The following TDP1 variants were observed in gnomAD, a reference collection of about 807,000 sequenced individuals.
TDP1 encodes the protein tyrosyl-DNA phosphodiesterase 1.
Under a neutral mutation model 81.5 loss-of-function variants are expected in TDP1, and 64 were observed. That is an observed-to-expected ratio of 0.79 (90% confidence interval 0.64 to 0.97). The LOEUF is 0.97. Ranked by LOEUF, TDP1 falls within the 50% of genes least tolerant of loss-of-function variation. The pLI is 0.00. For missense variants in TDP1, 723 were observed against 743.8 expected, an observed-to-expected ratio of 0.97 and a Z score of 0.33; for synonymous variants, 256 against 264.3, an observed-to-expected ratio of 0.97 and a Z score of 0.30.
At chr14:89,989,159 C>A in intron 11 of TDP1, 69 bp downstream of exon 11, 1 of 1,505,384 alleles carries the variant, frequency 6.6e-7, no homozygotes, top group Non-Finnish European at 9.2e-7. Context: ...GAAAATTGGT[C>A]CTCTTTGTAA....
intron 14 of TDP1, among the ~76,000 whole-genome samples, chr14:90,000,671 T>C (rs1394697250): frequency 1.3e-5 from 2 of 152,208 alleles, no homozygotes; most frequent in Non-Finnish European, 2.9e-5. Context: ...AGGCATGAAC[T>C]ACTGCACCTG....
chr14:90,041,635 T>G lies in TDP1; in HGVS notation c.1754-1435T>G, dbSNP rs530103053. On this transcript the variant is annotated intron_variant, in intron 16 of 16. Coordinates refer to ENST00000335725, the MANE Select transcript of TDP1 (RefSeq NM_018319.4). ...GAGTTCGCAGTTGGGAGACACTGCT[T>G]TAACTTGGTGGTCCATGCCAGACCC... Among the ~76,000 whole-genome samples, 559 of 152,316 alleles carry G rather than the reference T, an allele frequency of 3.7e-3. 4 individuals carry two copies. Among genetic ancestry groups the G allele is most frequent in the Non-Finnish European group, 6.5e-3 (442 of 68,030 alleles).
intron 15 of TDP1, among the ~76,000 whole-genome samples, chr14:90,025,597 T>C (rs1228236622): frequency 1.3e-5 from 2 of 152,240 alleles, no homozygotes; most frequent in Non-Finnish European, 2.9e-5. Flanking sequence ...AATAAAAGTT[T>C]GTTAATTTAA....
At chr14:90,036,816 T>TAA (rs10645574) in intron 16 of TDP1, among the ~76,000 whole-genome samples, 2,760 of 131,698 alleles carry the variant, frequency 0.021, 122 homozygotes, top group African/African-American at 0.076. Context: ...CCCCGCCCCT[T>TAA]AAAAAAAAAA....
At chr14:89,962,211 A>G (rs1188506371) in intron 2 of TDP1, among the ~76,000 whole-genome samples, 7 of 152,220 alleles carry the variant, frequency 4.6e-5, no homozygotes, top group Non-Finnish European at 1.0e-4. Flanking sequence ...TGATATAATT[A>G]TATCCAACTA....
At chr14:89,973,167 G>A (rs558582733) in intron 6 of TDP1, among the ~76,000 whole-genome samples, 2 of 152,226 alleles carry the variant, frequency 1.3e-5, no homozygotes, top group South Asian at 2.1e-4. Context: ...CTCATCTCAT[G>A]CCCATAGATG....
chr14:89,987,277 C>T (rs1353859736), intron 10 of TDP1, among the ~76,000 whole-genome samples: 1 of 152,210 alleles, frequency 6.6e-6, no homozygotes, highest in Non-Finnish European at 1.5e-5. Context: ...TCCTCATACA[C>T]TAAGCAGGGG....
At chr14:89,986,298 C>T (rs1384067988) in intron 10 of TDP1, among the ~76,000 whole-genome samples, 1 of 152,200 alleles carries the variant, frequency 6.6e-6, no homozygotes, top group Non-Finnish European at 1.5e-5. Context: ...TATCTACAAG[C>T]CGTGTGACCT....
At chr14:89,986,213 G>A (rs1428001472) in intron 10 of TDP1, among the ~76,000 whole-genome samples, 1 of 152,256 alleles carries the variant, frequency 6.6e-6, no homozygotes, top group Non-Finnish European at 1.5e-5. Flanking sequence ...TTGGCCTAGA[G>A]AGGAAGTTCA....
At chr14:90,023,014 G>T (rs746438259) in intron 15 of TDP1, 1 of 760,766 alleles carries the variant, frequency 1.3e-6, no homozygotes, top group Non-Finnish European at 2.4e-6. Flanking sequence ...CACATACCCT[G>T]TGCCTGCTGT....
chr14:89,970,168 G>A (rs1348852331), intron 5 of TDP1, among the ~76,000 whole-genome samples: 2 of 152,146 alleles, frequency 1.3e-5, no homozygotes, highest in Non-Finnish European at 1.5e-5. Context: ...GAGCCACCGC[G>A]CCTGGCCGAA....
chr14:90,005,307 A>G (rs894372647), intron 14 of TDP1, among the ~76,000 whole-genome samples: 3 of 152,352 alleles, frequency 2.0e-5, no homozygotes, highest in South Asian at 2.1e-4. Flanking sequence ...AGCCACCACA[A>G]CAGTGGGCAG....
intron 15 of TDP1, among the ~76,000 whole-genome samples, chr14:90,022,529 G>A (rs1033460963): frequency 1.3e-5 from 2 of 152,220 alleles, no homozygotes; most frequent in African/African-American, 4.8e-5. Flanking sequence ...CATTCCCGGA[G>A]AAAGAGCCTG....
chr14:90,027,253 A>G (rs1342058639), intron 15 of TDP1, among the ~76,000 whole-genome samples: 1 of 151,814 alleles, frequency 6.6e-6, no homozygotes, highest in Non-Finnish European at 1.5e-5. Context: ...GCCTGTTCCT[A>G]CTGGTTGTCA....
chr14:89,981,564 C>T, intron 8 of TDP1: 1 of 438,952 alleles, frequency 2.3e-6, no homozygotes, highest in South Asian at 1.7e-5. Context: ...TTTCCAGGTT[C>T]ACGTTTTCTC....
rs778064350 is a variant in TDP1 at position 89,995,051 on chromosome 14, G to T, written c.1541+1568G>T. ...TGAATATCTGCTTTAATGTCGAATG[G>T]CTGTTACTAAATTAAGCAAATTATA... On this transcript the variant is annotated intron_variant, in intron 14 of 16. Coordinates refer to ENST00000335725, the MANE Select transcript of TDP1 (RefSeq NM_018319.4). Among the ~76,000 whole-genome samples the T allele has an allele frequency of 3.3e-5, 5 of 152,176 alleles. 1 individual carries two copies. The highest frequency in any genetic ancestry group is 7.3e-5 in the Non-Finnish European group (5 of 68,038).
At position 90,003,183 on chromosome 14, in the gene TDP1, G is replaced by A. The variant is rs984195132; in HGVS notation, c.1541+9700G>A. ...GAACTCCTGACCTTGTGATCCGCCC[G>A]CCTTGGCCTCCCAAAGTGCTGGGAT... is the stretch of plus-strand genomic sequence containing the variant. On this transcript the variant is annotated intron_variant, in intron 14 of 16. Transcript: ENST00000335725. Among the ~76,000 whole-genome samples the A allele has an allele frequency of 5.3e-4, 81 of 152,260 alleles. 1 individual carries two copies. The highest frequency in any genetic ancestry group is 1.8e-3 in the African/African-American group (75 of 41,554).
intron 16 of TDP1, chr14:90,033,422 G>C (rs956116951): frequency 4.7e-6 from 3 of 632,778 alleles, no homozygotes; most frequent in Non-Finnish European, 8.7e-6. Flanking sequence ...TTACTATACA[G>C]ATCCTTCCTG....
intron 14 of TDP1, among the ~76,000 whole-genome samples, chr14:90,013,700 T>C (rs1884986506): frequency 2.0e-5 from 3 of 152,202 alleles, no homozygotes; most frequent in African/African-American, 7.2e-5. Context: ...TCATTTTGAA[T>C]TGTAGCTCCC....
Sources: allele counts gnomAD v4.1 joint callset (sites outside exome capture counted in the v4.1 genomes callset), GRCh38; gene constraint gnomAD v4.1.1; transcripts MANE v1.5; gene names NCBI Gene and HGNC (gene_info 2026-07-23, HGNC 2026-07-21).